JARID2: variants seen among roughly 807,000 people sequenced by gnomAD.
JARID2 encodes the protein jumonji and AT-rich interaction domain containing 2.
JARID2 carries 21 observed loss-of-function variants against 125.6 expected under a neutral mutation model. The observed-to-expected ratio is 0.17, with a 90% CI of 0.12 to 0.24. The LOEUF (loss-of-function observed/expected upper bound fraction) is 0.24. JARID2 is among the 10% of genes least tolerant of loss of function. JARID2 has a pLI of 1.00. For synonymous variants in JARID2, 736 were observed against 661.6 expected (o/e 1.11, Z -1.73); for missense variants, 1,303 against 1,639.6 (o/e 0.79, Z 3.55).
Position 15,431,054 on chromosome 6 carries a change from G to A in JARID2, c.323+20689G>A, listed in dbSNP as rs563473082. ...GCTTGTTGTTCCGGCAAATACCATT[G>A]TGTAATGTGGACTGGCACTTGGCCT... On this transcript the variant is annotated intron_variant, in intron 3 of 17. Coordinates refer to ENST00000341776, the MANE Select transcript of JARID2 (RefSeq NM_004973.4). Among the ~76,000 whole-genome samples, 6 of 152,290 alleles carry A rather than the reference G, an allele frequency of 3.9e-5. No homozygotes were observed. In the East Asian group the frequency reaches 1.2e-3, roughly 29 times the overall value.
chr6:15,414,391 C>A (rs996779911), intron 3 of JARID2, among the ~76,000 whole-genome samples: 13 of 152,184 alleles, frequency 8.5e-5, no homozygotes, highest in African/African-American at 2.9e-4. Context: ...TATTTACTGC[C>A]AGTGCCTTTA....
chr6:15,418,791 CA>C (rs1227223081), intron 3 of JARID2, among the ~76,000 whole-genome samples: 2 of 152,180 alleles, frequency 1.3e-5, no homozygotes, highest in African/African-American at 4.8e-5. Context: ...TGAGATATGA[CA>C]TGCCTCTGGA....
intron 1 of JARID2, among the ~76,000 whole-genome samples, chr6:15,316,461 A>G (rs1218147278): frequency 6.6e-6 from 1 of 152,126 alleles, no homozygotes; most frequent in East Asian, 1.9e-4. Context: ...TATGTCTTTA[A>G]TCATTGTGAG....
At chr6:15,352,771 A>G (rs1372316787) in intron 1 of JARID2, among the ~76,000 whole-genome samples, 1 of 152,228 alleles carries the variant, frequency 6.6e-6, no homozygotes, top group Non-Finnish European at 1.5e-5. Context: ...CTGTAAGTCT[A>G]AATTCACTGT....
intron 1 of JARID2, among the ~76,000 whole-genome samples, chr6:15,321,242 G>A (rs552790179): frequency 3.0e-4 from 45 of 151,992 alleles, no homozygotes; most frequent in Middle Eastern, 3.2e-3. Context: ...CCTTCTTGTG[G>A]GGATAAAGGG....
chr6:15,392,734 G>A (rs763868464), intron 2 of JARID2, among the ~76,000 whole-genome samples: 1 of 148,980 alleles, frequency 6.7e-6, no homozygotes, highest in Non-Finnish European at 1.5e-5. Context: ...CAGGCTGCTG[G>A]AGTGTAGTGG....
intron 3 of JARID2, among the ~76,000 whole-genome samples, chr6:15,414,092 CA>C (rs796560529): frequency 3.9e-5 from 6 of 151,942 alleles, no homozygotes; most frequent in Admixed American, 6.6e-5. Context: ...GAATCATCAG[CA>C]AAAAAATATG....
chr6:15,331,309 G>C (rs1368082028), intron 1 of JARID2, among the ~76,000 whole-genome samples: 5 of 144,368 alleles, frequency 3.5e-5, no homozygotes, highest in Non-Finnish European at 7.4e-5. Flanking sequence ...ACTCCAGCCT[G>C]GGTGGCAGAG....
At chr6:15,306,409 A>G (rs554417167) in intron 1 of JARID2, among the ~76,000 whole-genome samples, 2 of 137,360 alleles carry the variant, frequency 1.5e-5, no homozygotes, top group East Asian at 2.1e-4. Context: ...ATCTCAGCTC[A>G]CTGCAACCTC....
chr6:15,451,082 G>C (rs1041679215), intron 3 of JARID2, among the ~76,000 whole-genome samples: 1 of 152,252 alleles, frequency 6.6e-6, no homozygotes, highest in Non-Finnish European at 1.5e-5. Context: ...AGAATCGCTT[G>C]AACCTGGGAG....
At chr6:15,328,820 C>T (rs1309971505) in intron 1 of JARID2, among the ~76,000 whole-genome samples, 1 of 152,182 alleles carries the variant, frequency 6.6e-6, no homozygotes, top group Non-Finnish European at 1.5e-5. Context: ...GCTATTATTG[C>T]TGCAGGAAGG....
At chr6:15,473,711 G>GA (rs1011258936) in intron 5 of JARID2, among the ~76,000 whole-genome samples, 2 of 151,638 alleles carry the variant, frequency 1.3e-5, no homozygotes, top group African/African-American at 4.8e-5. Flanking sequence ...CATATGAAAA[G>GA]AAAAAATCCC....
intron 1 of JARID2, among the ~76,000 whole-genome samples, chr6:15,328,661 T>A (rs985741339): frequency 1.3e-5 from 2 of 152,182 alleles, no homozygotes; most frequent in African/African-American, 4.8e-5. Context: ...ACAGCCTCGT[T>A]TACTCCAGAC....
At chr6:15,350,281 A>C (rs767067353) in intron 1 of JARID2, among the ~76,000 whole-genome samples, 8 of 152,160 alleles carry the variant, frequency 5.3e-5, no homozygotes, top group Non-Finnish European at 1.0e-4. Context: ...ATATGCTGTT[A>C]TTTTTGTGCT....
chr6:15,508,766 T>C (rs1281454818), intron 12 of JARID2, among the ~76,000 whole-genome samples: 1 of 152,148 alleles, frequency 6.6e-6, no homozygotes, highest in African/African-American at 2.4e-5. Flanking sequence ...TTACGTCTGT[T>C]TTTGTTTTGT....
chr6:15,294,936 C>T (rs898083407), intron 1 of JARID2, among the ~76,000 whole-genome samples: 7 of 152,024 alleles, frequency 4.6e-5, no homozygotes, highest in Non-Finnish European at 7.4e-5. Context: ...ATTGAGATAA[C>T]TTTTTCTTTT....
intron 11 of JARID2, among the ~76,000 whole-genome samples, chr6:15,507,920 C>A (rs1421520311): frequency 2.0e-5 from 3 of 152,196 alleles, no homozygotes; most frequent in African/African-American, 7.2e-5. Context: ...AGCCAAGGAG[C>A]CCTGTGCCCT....
chr6:15,253,035 C>T (rs1462247682), intron 1 of JARID2, among the ~76,000 whole-genome samples: 1 of 152,138 alleles, frequency 6.6e-6, no homozygotes, highest in Non-Finnish European at 1.5e-5. Context: ...AATCCTATAA[C>T]CTTCTGCCAG....
rs112885351 is a variant in JARID2, at chr6:15,477,342, G to T, written c.670+8624G>T. Among the ~76,000 whole-genome samples, 1,379 of 152,036 alleles carry T rather than the reference G, an allele frequency of 9.1e-3. 17 individuals carry two copies. The highest frequency in any genetic ancestry group is 0.026 in the African/African-American group (1,074 of 41,440). ...CAGGAGCTTGCCATAGCCCTGCTAT[G>T]TTCAGTGGGGACAGACACTCTGTAA... On this transcript the variant is annotated intron_variant, in intron 5 of 17. Transcript: ENST00000341776.
Sources: gnomAD v4.1 joint callset for allele counts (sites outside exome capture counted in the v4.1 genomes callset) on GRCh38, gnomAD v4.1.1 for gene constraint, MANE v1.5 for transcripts, NCBI Gene and HGNC (gene_info 2026-07-23, HGNC 2026-07-21) for gene names.